The following RALYL variants were observed in gnomAD, a reference collection of about 807,000 sequenced individuals.
RALYL encodes the protein RALY RNA binding protein like, also known as RNA-binding Raly-like protein.
RALYL carries 29 observed loss-of-function variants against 35.1 expected under a neutral mutation model. The ratio of observed to expected loss-of-function variants is 0.83; its 90% CI spans 0.61 to 1.13. The LOEUF (loss-of-function observed/expected upper bound fraction) is 1.13, where lower values mean the gene tolerates loss of function less well. RALYL is among the 50% of genes most tolerant of loss of function. The pLI is 0.00. For missense variants in RALYL, 359 were observed against 360.4 expected, an observed-to-expected ratio of 1.00 and a Z score of 0.03; for synonymous variants, 120 against 127.6, an observed-to-expected ratio of 0.94 and a Z score of 0.40.
At chr8:84,275,803 T>C (rs1835256543) in intron 1 of RALYL, among the ~76,000 whole-genome samples, 1 of 152,124 alleles carries the variant, frequency 6.6e-6, no homozygotes, top group African/African-American at 2.4e-5. Context: ...AAAGATGAAA[T>C]AGCCAATCTA....
chr8:84,503,500 T>C (rs907554340), intron 1 of RALYL, among the ~76,000 whole-genome samples: 1 of 152,004 alleles, frequency 6.6e-6, no homozygotes, highest in Non-Finnish European at 1.5e-5. Context: ...TGTTAATAGA[T>C]AACATTGAAA....
At chr8:84,650,947 C>A (rs546801388) in intron 2 of RALYL, among the ~76,000 whole-genome samples, 64 of 152,158 alleles carry the variant, frequency 4.2e-4, no homozygotes, top group Non-Finnish European at 7.5e-4. Flanking sequence ...TGGAAATCAT[C>A]ATTCTCAGTA....
At chr8:84,455,175 C>T (rs1392400888) in intron 1 of RALYL, among the ~76,000 whole-genome samples, 2 of 151,962 alleles carry the variant, frequency 1.3e-5, no homozygotes, top group East Asian at 1.9e-4. Context: ...TCATCGGTCT[C>T]CTTTGATTGT....
At chr8:84,626,072 A>C (rs890337594) in intron 2 of RALYL, among the ~76,000 whole-genome samples, 10 of 152,252 alleles carry the variant, frequency 6.6e-5, no homozygotes, top group African/African-American at 2.4e-4. Flanking sequence ...ATATTTAGGA[A>C]GTAAAATAAC....
chr8:84,500,120 C>T (rs1434412490), intron 1 of RALYL, among the ~76,000 whole-genome samples: 2 of 152,164 alleles, frequency 1.3e-5, no homozygotes, highest in South Asian at 2.1e-4. Flanking sequence ...AAATTTATCA[C>T]CATGTATGTA....
intron 7 of RALYL, among the ~76,000 whole-genome samples, chr8:84,884,930 ACTT>A (rs1842728306): frequency 6.6e-6 from 1 of 152,056 alleles, no homozygotes; most frequent in Admixed American, 6.6e-5. Flanking sequence ...GTGTACAAAA[ACTT>A]CTTTTAGGAG....
chr8:84,753,960 T>G (rs916469948), intron 2 of RALYL, among the ~76,000 whole-genome samples: 19 of 152,116 alleles, frequency 1.2e-4, no homozygotes, highest in African/African-American at 4.6e-4. Flanking sequence ...TCTGTTCATG[T>G]CCTTCGCCCA....
At chr8:84,445,857 T>C (rs912176508) in intron 1 of RALYL, among the ~76,000 whole-genome samples, 4 of 151,436 alleles carry the variant, frequency 2.6e-5, no homozygotes, top group African/African-American at 9.7e-5. Flanking sequence ...TTATATATAA[T>C]TTTATATAAT....
chr8:84,581,804 A>G lies in RALYL; in HGVS notation c.256+52227A>G, dbSNP rs1724717608. 2.0e-5 allele frequency among the ~76,000 whole-genome samples: 3 copies of G among 152,204 alleles called. No individual in the cohort carries two copies. The South Asian group carries it at 6.2e-4, about 32-fold the overall frequency. Reference sequence around the variant, plus strand: ...TGGTACATAGTAAGCCAAGTATCTTATGAAAATTTGTCTAGAAATTTTAAC... The same window carrying G: ...TGGTACATAGTAAGCCAAGTATCTTGTGAAAATTTGTCTAGAAATTTTAAC... On this transcript the variant is annotated intron_variant, in intron 2 of 8. Coordinates refer to ENST00000521268, the MANE Select transcript of RALYL (RefSeq NM_173848.7).
intron 2 of RALYL, among the ~76,000 whole-genome samples, chr8:84,633,513 C>G (rs907856713): frequency 1.3e-5 from 2 of 151,750 alleles, no homozygotes; most frequent in Non-Finnish European, 2.9e-5. Flanking sequence ...AGTAGTTTCA[C>G]GCATAAACAT....
chr8:84,274,806 A>T (rs1349036528), intron 1 of RALYL, among the ~76,000 whole-genome samples: 3 of 152,178 alleles, frequency 2.0e-5, no homozygotes, highest in Non-Finnish European at 4.4e-5. Flanking sequence ...ACTCTGCCAA[A>T]ACTCTGTCAT....
At chr8:84,394,829 A>G (rs1563844871) in intron 1 of RALYL, among the ~76,000 whole-genome samples, 1 of 151,952 alleles carries the variant, frequency 6.6e-6, no homozygotes, top group Non-Finnish European at 1.5e-5. Flanking sequence ...CAAGTTCACA[A>G]TTCTTACAAG....
chr8:84,786,170 A>T (rs977108360), intron 3 of RALYL, among the ~76,000 whole-genome samples: 4 of 152,170 alleles, frequency 2.6e-5, no homozygotes, highest in Admixed American at 2.6e-4. Context: ...TCATTTTTTT[A>T]TGGCAGCATA....
At chr8:84,740,079 A>G (rs1454614650) in intron 2 of RALYL, among the ~76,000 whole-genome samples, 1 of 151,954 alleles carries the variant, frequency 6.6e-6, no homozygotes, top group Non-Finnish European at 1.5e-5. Flanking sequence ...TGATGAGATA[A>G]AGAAATGTGA....
At chr8:84,613,963 G>C (rs1026773666) in intron 2 of RALYL, among the ~76,000 whole-genome samples, 2 of 150,248 alleles carry the variant, frequency 1.3e-5, no homozygotes, top group Non-Finnish European at 3.0e-5. Context: ...GGTCTAAAAA[G>C]TATAGAATCT....
chr8:84,715,257 T>A (rs1437097727), intron 2 of RALYL, among the ~76,000 whole-genome samples: 2 of 151,838 alleles, frequency 1.3e-5, no homozygotes, highest in East Asian at 1.9e-4. Flanking sequence ...TTGTTATAGA[T>A]GACTAATGTA....
At chr8:84,866,606 T>C (rs994982646) in intron 6 of RALYL, among the ~76,000 whole-genome samples, 1 of 152,132 alleles carries the variant, frequency 6.6e-6, no homozygotes, top group Non-Finnish European at 1.5e-5. Flanking sequence ...AAAATGGGAA[T>C]GATAATCTTA....
intron 1 of RALYL, among the ~76,000 whole-genome samples, chr8:84,341,261 C>T (rs1848740645): frequency 6.6e-6 from 1 of 150,542 alleles, no homozygotes; most frequent in Non-Finnish European, 1.5e-5. Context: ...TAAATATTAC[C>T]ATTTTATTTA....
intron 1 of RALYL, among the ~76,000 whole-genome samples, chr8:84,377,468 T>C (rs996749968): frequency 6.7e-6 from 1 of 148,832 alleles, no homozygotes; most frequent in African/African-American, 2.5e-5. Context: ...TTTTTTTTTT[T>C]TTTTTTTCTT....
Sources: gnomAD v4.1 joint callset for allele counts (sites outside exome capture counted in the v4.1 genomes callset) on GRCh38, gnomAD v4.1.1 for gene constraint, MANE v1.5 for transcripts, NCBI Gene and HGNC (gene_info 2026-07-23, HGNC 2026-07-21) for gene names.